Variants in ZNF236 observed in about 807,000 individuals in gnomAD.
ZNF236 encodes the protein regulated by glucose.
ZNF236 carries 50 observed loss-of-function variants against 191.2 expected under a neutral mutation model. The ratio of observed to expected loss-of-function variants is 0.26; its 90% CI spans 0.21 to 0.33. ZNF236 has a LOEUF of 0.33. Ranked by LOEUF, ZNF236 falls within the 10% of genes least tolerant of loss-of-function variation. The pLI is 1.00. For missense variants in ZNF236, 1,754 were observed against 2,374.5 expected (o/e 0.74, Z 5.43); for synonymous variants, 907 against 928.8 (o/e 0.98, Z 0.43).
chr18:76,966,333 T>TCA (rs372462259), intron 30 of ZNF236, among the ~76,000 whole-genome samples: 5,441 of 148,012 alleles, frequency 0.037, 213 homozygotes, highest in African/African-American at 0.094. Flanking sequence ...CTGCCCCCCT[T>TCA]CACACACACA....
chr18:76,886,865 A>G, intron 9 of ZNF236: 1 of 179,464 alleles, frequency 5.6e-6, no homozygotes, highest in Non-Finnish European at 1.2e-5. Context: ...TCCCGTCATC[A>G]GGAGCTAGTC....
intron 3 of ZNF236, among the ~76,000 whole-genome samples, chr18:76,858,591 C>A (rs1976117549): frequency 6.6e-6 from 1 of 152,144 alleles, no homozygotes; most frequent in South Asian, 2.1e-4. Context: ...AGATGAGATA[C>A]TTCTCTTTTG....
Position 76,858,410 on chromosome 18 carries a change from G to A in ZNF236, c.363+6471G>A, listed in dbSNP as rs568390232. Among the ~76,000 whole-genome samples the A allele has an allele frequency of 7.9e-5, 12 of 152,178 alleles. No homozygotes were observed. The South Asian group carries it at 1.2e-3, about 16-fold the overall frequency. ...TTTTCAAGTAATCTACAGATTTCAC[G>A]TTATTTTACCACTAAATACTTCAGG... On this transcript the variant is annotated intron_variant, in intron 3 of 30. Coordinates refer to ENST00000320610, the MANE Select transcript of ZNF236 (RefSeq NM_001306089.2).
intron 14 of ZNF236, among the ~76,000 whole-genome samples, chr18:76,908,963 CTGTGTGTGTGTGTGTGTGTG>C (rs10524379): frequency 0.03 from 4,352 of 147,220 alleles, 202 homozygotes; most frequent in African/African-American, 0.1. Context: ...ATGTGTGTGT[CTGTGTGTGTGTGTGTGTGTG>C]TGTGTGTGTG....
In ZNF236 at chr18:76,968,210, A is replaced by G. The variant is rs752856545; in HGVS notation, c.5420-5A>G. The G allele has an allele frequency of 6.2e-7, 1 of 1,613,942 alleles. No homozygotes were observed. Among genetic ancestry groups the G allele is most frequent in the Non-Finnish European group, 8.5e-7 (1 of 1,179,904 alleles). On this transcript the variant is annotated splice_region_variant and splice_polypyrimidine_tract_variant and intron_variant, in intron 30 of 30. Transcript: ENST00000320610. Reference sequence around the variant, plus strand: ...CTGCTTGTGTTTTCTTTGTCTGCATAACAGGAGCTCTGCAGGAGTCTGCAG... The same window carrying G: ...CTGCTTGTGTTTTCTTTGTCTGCATGACAGGAGCTCTGCAGGAGTCTGCAG...
chr18:76,836,937 G>A (rs896864708), intron 1 of ZNF236, among the ~76,000 whole-genome samples: 1 of 152,060 alleles, frequency 6.6e-6, no homozygotes, highest in African/African-American at 2.4e-5. Flanking sequence ...GTTCAGTGGT[G>A]CAGTCTTGGC....
rs775928958 is a variant in ZNF236, at chr18:76,851,263, CTT to C, written c.199-493_199-492del. On this transcript the variant is annotated intron_variant, in intron 2 of 30. Coordinates refer to ENST00000320610, the MANE Select transcript of ZNF236 (RefSeq NM_001306089.2). The stretch of plus-strand genomic sequence containing the variant: ...CATGCAAACACATGGAGAAAGAAAC[CTT>C]TTTTTTTTTTTTTTTTTTGAGACAG... 9.4e-3 allele frequency among the ~76,000 whole-genome samples: 1,105 copies of C among 117,658 alleles called. 8 individuals carry two copies. The highest frequency in any genetic ancestry group is 0.036 in the African/African-American group (1,030 of 28,814). The allele number at this position is 117,658 out of a possible 152,430, so 77.2% of individuals were successfully genotyped here. A position where few individuals can be genotyped will look rare whatever the true frequency, so the allele number is the denominator to read the frequency against.
intron 1 of ZNF236, among the ~76,000 whole-genome samples, chr18:76,837,605 T>C (rs1330364093): frequency 6.6e-6 from 1 of 152,024 alleles, no homozygotes; most frequent in Non-Finnish European, 1.5e-5. Flanking sequence ...CACGCCTGGC[T>C]AATTTTTTGT....
chr18:76,853,077 GT>G (rs747405368), intron 3 of ZNF236, among the ~76,000 whole-genome samples: 3 of 150,594 alleles, frequency 2.0e-5, no homozygotes, highest in Middle Eastern at 6.9e-3. Flanking sequence ...CACACTTTCT[GT>G]TTTTTGTTTT....
At chr18:76,946,817 A>G (rs1034629867) in intron 26 of ZNF236, among the ~76,000 whole-genome samples, 3 of 152,258 alleles carry the variant, frequency 2.0e-5, no homozygotes, top group South Asian at 4.1e-4. Flanking sequence ...GCAAAATTGT[A>G]TATGTGTTTC....
In ZNF236 at chr18:76,843,547, GT is replaced by G. The variant is rs1975576327; in HGVS notation, c.56-5978del. Among the ~76,000 whole-genome samples, 5 of 140,080 alleles carry G rather than the reference GT, an allele frequency of 3.6e-5. No homozygotes were observed. In the South Asian group the frequency reaches 1.2e-3, roughly 32 times the overall value. 91.9% of individuals were successfully genotyped at this position (140,080 alleles called of 152,430 possible). A position where few individuals can be genotyped will look rare whatever the true frequency, so the allele number is the denominator to read the frequency against. ...AATCCCAGCACTTTGGGAGGCAGAGGTGGGCGGATCACGAGGTCAGGAGTTC... is the reference window on the plus strand; with the variant it reads ...AATCCCAGCACTTTGGGAGGCAGAGGGGGCGGATCACGAGGTCAGGAGTTC... On this transcript the variant is annotated intron_variant, in intron 1 of 30. Transcript: ENST00000320610.
intron 3 of ZNF236, among the ~76,000 whole-genome samples, chr18:76,865,616 G>A (rs1976384455): frequency 6.6e-6 from 1 of 152,210 alleles, no homozygotes; most frequent in South Asian, 2.1e-4. Flanking sequence ...TGAAGATGAA[G>A]TGAGATGAAA....
In ZNF236 at chr18:76,968,429, G is replaced by GTT; in HGVS notation, c.*91_*92insTT. ...TGGAATCTCCGTTTTAAAGCTTCAA[G>GTT]TGTTAAAAATGCTACAATAGTTTTT... is the stretch of plus-strand genomic sequence containing the variant. On this transcript the variant is annotated 3_prime_UTR_variant, in exon 31 of 31. Coordinates refer to ENST00000320610, the MANE Select transcript of ZNF236 (RefSeq NM_001306089.2). The GTT allele has an allele frequency of 6.5e-7, 1 of 1,527,598 alleles. No individual in the cohort carries two copies. The highest frequency in any genetic ancestry group is 1.3e-5 in the South Asian group (1 of 79,234). 94.6% of individuals were successfully genotyped at this position (1,527,598 alleles called of 1,614,324 possible). A position where few individuals can be genotyped will look rare whatever the true frequency, so the allele number is the denominator to read the frequency against.
chr18:76,866,325 T>C (rs2122583630), intron 3 of ZNF236, among the ~76,000 whole-genome samples: 1 of 152,134 alleles, frequency 6.6e-6, no homozygotes, highest in South Asian at 2.1e-4. Flanking sequence ...TGGGGTTTAT[T>C]TTGTGTGTTG....
intron 1 of ZNF236, among the ~76,000 whole-genome samples, chr18:76,823,277 C>T (rs1378046536): frequency 6.6e-6 from 1 of 151,354 alleles, no homozygotes; most frequent in African/African-American, 2.4e-5. Flanking sequence ...TTATCTGGGG[C>T]GCGCTGTGGG....
intron 1 of ZNF236, among the ~76,000 whole-genome samples, chr18:76,839,929 C>T (rs1276504001): frequency 6.6e-6 from 1 of 152,192 alleles, no homozygotes; most frequent in Admixed American, 6.5e-5. Flanking sequence ...AAGCACTCTA[C>T]TTTGCAATAT....
At chr18:76,854,508 A>G (rs1343129506) in intron 3 of ZNF236, among the ~76,000 whole-genome samples, 1 of 151,668 alleles carries the variant, frequency 6.6e-6, no homozygotes, top group Non-Finnish European at 1.5e-5. Context: ...CATGCTTGTA[A>G]TCCGAGCACT....
chr18:76,827,748 A>G (rs578238406), intron 1 of ZNF236, among the ~76,000 whole-genome samples: 2 of 152,326 alleles, frequency 1.3e-5, no homozygotes, highest in South Asian at 2.1e-4. Context: ...ACAGGCATCG[A>G]TGGGGCAGCA....
At chr18:76,889,473 A>G (rs1159045269) in intron 9 of ZNF236, among the ~76,000 whole-genome samples, 1 of 152,136 alleles carries the variant, frequency 6.6e-6, no homozygotes, top group Non-Finnish European at 1.5e-5. Context: ...TGCTTGAAGT[A>G]GCACTGGGAA....
Sources: allele counts gnomAD v4.1 joint callset (sites outside exome capture counted in the v4.1 genomes callset), GRCh38; gene constraint gnomAD v4.1.1; transcripts MANE v1.5; gene names NCBI Gene and HGNC (gene_info 2026-07-23, HGNC 2026-07-21).